The following SHISA9 variants were observed in gnomAD, a reference collection of about 807,000 sequenced individuals.
SHISA9 encodes the protein protein shisa-9.
Under a neutral mutation model 38.0 loss-of-function variants are expected in SHISA9, and 13 were observed. The observed-to-expected ratio is 0.34, with a 90% CI of 0.22 to 0.54. The LOEUF is 0.54. SHISA9 is among the 20% of genes least tolerant of loss of function. SHISA9 has a pLI of 0.91. For missense variants in SHISA9, 538 were observed against 575.8 expected, an observed-to-expected ratio of 0.93 and a Z score of 0.67; for synonymous variants, 275 against 242.0, an observed-to-expected ratio of 1.14 and a Z score of -1.27.
At chr16:13,030,870 A>G (rs1206183780) in intron 2 of SHISA9, among the ~76,000 whole-genome samples, 3 of 152,222 alleles carry the variant, frequency 2.0e-5, no homozygotes, top group Non-Finnish European at 4.4e-5. Flanking sequence ...TTCATGGCCA[A>G]AACGTGTGCG....
At chr16:13,338,078 C>G in the SHISA9 span, among the ~76,000 whole-genome samples, 3 of 152,310 alleles carry the variant, frequency 2.0e-5, no homozygotes, top group African/African-American at 4.8e-5. Context: ...CACCTTTACT[C>G]TGGCTTGGCT....
At chr16:13,374,855 A>C in the SHISA9 span, among the ~76,000 whole-genome samples, 1 of 152,154 alleles carries the variant, frequency 6.6e-6, no homozygotes, top group East Asian at 1.9e-4. Flanking sequence ...AATGACTGCC[A>C]TTCTAACTGG....
the SHISA9 span, among the ~76,000 whole-genome samples, chr16:13,499,990 A>G: frequency 1.3e-5 from 2 of 152,314 alleles, no homozygotes; most frequent in South Asian, 2.1e-4. Flanking sequence ...AGGGACACAG[A>G]CAAGCAAGCA....
chr16:12,997,474 T>TTG (rs2072472106), intron 2 of SHISA9, among the ~76,000 whole-genome samples: 1 of 150,922 alleles, frequency 6.6e-6, no homozygotes, highest in Non-Finnish European at 1.5e-5. Context: ...TGGTGCGATC[T>TTG]CAGGTCACTG....
the SHISA9 span, among the ~76,000 whole-genome samples, chr16:13,297,640 A>G: frequency 6.6e-6 from 1 of 152,240 alleles, no homozygotes; most frequent in African/African-American, 2.4e-5. Context: ...AGTGAAGAAT[A>G]GTGAAAAGAA....
chr16:13,065,381 G>A (rs2073422372), intron 2 of SHISA9, among the ~76,000 whole-genome samples: 1 of 152,154 alleles, frequency 6.6e-6, no homozygotes, highest in Non-Finnish European at 1.5e-5. Flanking sequence ...TTGGGACTAG[G>A]TGTATTTATA....
At chr16:13,364,217 C>CAGG in the SHISA9 span, among the ~76,000 whole-genome samples, 1 of 152,222 alleles carries the variant, frequency 6.6e-6, no homozygotes, top group Non-Finnish European at 1.5e-5. Flanking sequence ...TTCTCTGAAA[C>CAGG]ACCTGTGCCC....
At chr16:13,364,536 C>G in the SHISA9 span, among the ~76,000 whole-genome samples, 1 of 152,176 alleles carries the variant, frequency 6.6e-6, no homozygotes, top group East Asian at 1.9e-4. Flanking sequence ...ATTCAACACA[C>G]AATATACCAT....
chr16:13,142,624 T>G (rs1426733649), intron 2 of SHISA9, among the ~76,000 whole-genome samples: 1 of 152,204 alleles, frequency 6.6e-6, no homozygotes, highest in Non-Finnish European at 1.5e-5. Flanking sequence ...AGATAGTCCT[T>G]TTGATTTTTC....
chr16:13,539,478 T>G, the SHISA9 span, among the ~76,000 whole-genome samples: 2 of 151,658 alleles, frequency 1.3e-5, no homozygotes, highest in South Asian at 4.2e-4. Context: ...TGCTTGGCCC[T>G]AACCAATGCA....
At chr16:13,329,546 A>C in the SHISA9 span, among the ~76,000 whole-genome samples, 41 of 152,090 alleles carry the variant, frequency 2.7e-4, no homozygotes, top group Middle Eastern at 3.4e-3. Context: ...CTCTAATTTG[A>C]GTTCTGCTAT....
At chr16:12,907,184 C>A (rs549412760) in intron 1 of SHISA9, among the ~76,000 whole-genome samples, 91 of 115,592 alleles carry the variant, frequency 7.9e-4, no homozygotes, top group Admixed American at 3.0e-3. Context: ...TTCCACCCTT[C>A]CCTCCCTCCG....
intron 2 of SHISA9, among the ~76,000 whole-genome samples, chr16:12,956,802 C>G (rs2071841446): frequency 6.6e-6 from 1 of 152,090 alleles, no homozygotes; most frequent in African/African-American, 2.4e-5. Flanking sequence ...GATGGGTACA[C>G]TAGAAGCCCA....
At chr16:13,049,570 C>T (rs1029396261) in intron 2 of SHISA9, among the ~76,000 whole-genome samples, 1 of 152,164 alleles carries the variant, frequency 6.6e-6, no homozygotes, top group Non-Finnish European at 1.5e-5. Flanking sequence ...GGATACTGGG[C>T]CTGGCTGCAT....
At chr16:13,337,253 A>G in the SHISA9 span, among the ~76,000 whole-genome samples, 1 of 152,154 alleles carries the variant, frequency 6.6e-6, no homozygotes, top group Non-Finnish European at 1.5e-5. Flanking sequence ...AGTGGGAGAT[A>G]ATTGAATCAT....
At chr16:12,915,137 C>T (rs993237828) in intron 1 of SHISA9, among the ~76,000 whole-genome samples, 14 of 152,194 alleles carry the variant, frequency 9.2e-5, no homozygotes, top group Non-Finnish European at 8.8e-5. Context: ...CCCTGGAGAA[C>T]TTCTCTGTGG....
chr16:13,053,730 G>T (rs1289976104), intron 2 of SHISA9, among the ~76,000 whole-genome samples: 1 of 152,076 alleles, frequency 6.6e-6, no homozygotes, highest in African/African-American at 2.4e-5. Flanking sequence ...TCTTCATTCT[G>T]CCTGGAATGC....
At chr16:13,033,732 A>G (rs1399121222) in intron 2 of SHISA9, among the ~76,000 whole-genome samples, 2 of 152,182 alleles carry the variant, frequency 1.3e-5, no homozygotes, top group African/African-American at 4.8e-5. Context: ...CACACTACCC[A>G]GTAGATGTCC....
intron 2 of SHISA9, among the ~76,000 whole-genome samples, chr16:13,194,335 A>C (rs2050916551): frequency 6.6e-6 from 1 of 152,186 alleles, no homozygotes; most frequent in Non-Finnish European, 1.5e-5. Flanking sequence ...TTTGAATATT[A>C]CCTCCTTCAG....
Sources: allele counts gnomAD v4.1 joint callset (sites outside exome capture counted in the v4.1 genomes callset), GRCh38; gene constraint gnomAD v4.1.1; transcripts MANE v1.5; gene names NCBI Gene and HGNC (gene_info 2026-07-23, HGNC 2026-07-21).